Variants in MTX1 observed in about 807,000 individuals in gnomAD.
MTX1 encodes metaxin-1.
MTX1 carries 20 observed loss-of-function variants against 39.4 expected under a neutral mutation model. The ratio of observed to expected loss-of-function variants is 0.51; its 90% CI spans 0.36 to 0.74. The LOEUF is 0.74. MTX1 is among the 30% of genes least tolerant of loss of function. The pLI, the probability that MTX1 is intolerant of heterozygous loss-of-function variation, is 0.00. For synonymous variants in MTX1, 209 were observed against 198.6 expected, an observed-to-expected ratio of 1.05 and a Z score of -0.44; for missense variants, 481 against 485.9, an observed-to-expected ratio of 0.99 and a Z score of 0.10.
intron 1 of MTX1, 124 bp from the exon 2 acceptor site, chr1:155,210,222 T>TC: frequency 1.2e-6 from 1 of 833,570 alleles, no homozygotes; most frequent in Non-Finnish European, 2.0e-6. Flanking sequence ...CCCTTTTTTT[T>TC]CGAGACTAAG....
rs1330119564 is a variant in MTX1 at position 155,209,268 on chromosome 1, A to C, written c.464A>C (p.Glu155Ala). ...GTGGGCAAGATGGCGGCGCCCATGG[A>C]GCTGTTCTGCTGGTCAGGGGGCTGG... ...QRVGKMAAPM[E>A]LFCWSGGWGL... Residue 155 changes from glutamate (E) to alanine (A), a missense_variant, in exon 1 of 8, where the codon GAG (glutamate) becomes GCG (alanine). Around this residue, in one of 2 missense-constraint regions of MTX1, gnomAD observed 368 missense variants for 332.8 expected, o/e 1.11. Transcript: ENST00000368376. 1 of 1,449,924 alleles carries C rather than the reference A, an allele frequency of 6.9e-7. No individual in the cohort carries two copies. Among genetic ancestry groups the C allele is most frequent in the East Asian group, 2.5e-5 (1 of 39,828 alleles). 89.8% of individuals were successfully genotyped at this position (1,449,924 alleles called of 1,614,324 possible).
intron 6 of MTX1, among the ~76,000 whole-genome samples, 168 bp from the exon 7 acceptor site, chr1:155,213,069 C>G (rs1047666207): frequency 1.9e-4 from 28 of 151,078 alleles, no homozygotes; most frequent in African/African-American, 6.8e-4. Flanking sequence ...CTGGCGCCAC[C>G]TGGGGATCTC....
intron 6 of MTX1, 73 bp downstream of exon 6, chr1:155,212,843 G>A: frequency 2.0e-6 from 3 of 1,502,964 alleles, no homozygotes; most frequent in Non-Finnish European, 2.7e-6. Flanking sequence ...GCTGGAGCTG[G>A]GGCTGGGGCT....
At chr1:155,212,606 C>T (rs770933330) in intron 5 of MTX1, 39 bp downstream of exon 5, 64 of 1,604,984 alleles carry the variant, frequency 4.0e-5, no homozygotes, top group Non-Finnish European at 5.2e-5. Context: ...GAGATGAGCC[C>T]CAAGGATGCT....
At chr1:155,211,911 C>G (rs1469562429) in intron 3 of MTX1, 1 of 433,486 alleles carries the variant, frequency 2.3e-6, no homozygotes, top group East Asian at 3.6e-5. Context: ...GGCGCTGGAC[C>G]TTCACGGCCA....
chr1:155,211,902 G>T (rs1197698550), intron 3 of MTX1: 5 of 422,840 alleles, frequency 1.2e-5, no homozygotes, highest in Non-Finnish European at 2.1e-5. Flanking sequence ...CCTGCATTGG[G>T]CGCTGGACCT....
At chr1:155,211,312 C>A (rs1218369235) in intron 3 of MTX1, 7 of 152,858 alleles carry the variant, frequency 4.6e-5, no homozygotes, top group African/African-American at 7.2e-5. Context: ...CTGGCAGAGC[C>A]GAGGCCACTG....
At chr1:155,210,491 A>G (rs1343527723) in intron 2 of MTX1, 57 bp from the exon 3 acceptor site, 2 of 1,605,652 alleles carry the variant, frequency 1.2e-6, no homozygotes, top group Non-Finnish European at 1.7e-6. Context: ...ATGTGTTGCA[A>G]CTATGTATGA....
chr1:155,208,826 C>T lies in MTX1; in HGVS notation c.22C>T (p.Arg8Cys). 1 of 1,576,500 alleles carries T rather than the reference C, an allele frequency of 6.3e-7. No homozygotes were observed. The highest frequency in any genetic ancestry group is 8.6e-7 in the Non-Finnish European group (1 of 1,158,666). ...AAACATGCTGCTCGGGGGACCCCCC[C>T]GCAGTCCCCGCTCGGGGACGAGCCC... is the stretch of plus-strand genomic sequence containing the variant. Reference protein sequence around the residue: MLLGGPPRSPRSGTSPKG... With the variant: MLLGGPPCSPRSGTSPKG... The change falls in exon 1 of 8, where the codon CGC (arginine) becomes TGC (cysteine). Residue 8 changes from arginine (R) to cysteine (C), a missense_variant. Physicochemically the swap from Arg to Cys is radical, Grantham distance 180. Transcript: ENST00000368376.
Position 155,210,611 on chromosome 1 carries a change from C to A in MTX1, c.662C>A (p.Thr221Asn). 2 of 1,614,012 alleles carry A rather than the reference C, an allele frequency of 1.2e-6. No homozygotes were observed. Among genetic ancestry groups the A allele is most frequent in the Non-Finnish European group, 1.7e-6 (2 of 1,180,004 alleles). ...ATCTCAGTTCCACACAAGATCATCA[C>A]CCACCTTCGAAAAGAGGTAGGTGAC... ...EVISVPHKII[T>N]HLRKEKYNAD... The change falls in exon 3 of 8, where the codon ACC (threonine) becomes AAC (asparagine). Residue 221 changes from threonine (T) to asparagine (N), a missense_variant. Transcript: ENST00000368376.
rs202230026 is a variant in MTX1, at chr1:155,212,493, C to T, written c.880C>T (p.Arg294Trp). The T allele has an allele frequency of 8.7e-6, 14 of 1,613,840 alleles. No homozygotes were observed. The highest frequency in any genetic ancestry group is 1.7e-5 in the Admixed American group (1 of 59,992). Residue 294 changes from arginine to tryptophan, a missense_variant, in exon 5 of 8, where the codon CGG (arginine) becomes TGG (tryptophan). By Grantham distance (101) the Arg-to-Trp change is moderately radical. This residue lies in a region of MTX1 where 113 missense variants were observed against 153.2 expected (regional missense o/e 0.74). Transcript: ENST00000368376. ...CTTCTTCCTGCCTGGCCGCATGCAG[C>T]GGCAGTACATGGAACGGCTACAGCT... ...LNFFLPGRMQ[R>W]QYMERLQLLT...
chr1:155,212,331 C>T (rs1671157795), intron 4 of MTX1, 54 bp from the exon 5 acceptor site: 1 of 1,606,064 alleles, frequency 6.2e-7, no homozygotes. Context: ...CACCTTGAAT[C>T]AGACAGGTGC....
rs1670944743 is a variant in MTX1 at position 155,209,086 on chromosome 1, C to T, written c.282C>T (p.Val94=). The T allele has an allele frequency of 1.3e-5, 20 of 1,541,966 alleles. No individual in the cohort carries two copies. The highest frequency in any genetic ancestry group is 1.7e-5 in the Non-Finnish European group (20 of 1,143,106). Reference sequence around the variant, plus strand: ...CCTCCCCCGAGGCCCGCGGCCCAGTCCCCCGCAGTTCAGCTGCCAGTCGGG... The same window carrying T: ...CCTCCCCCGAGGCCCGCGGCCCAGTTCCCCGCAGTTCAGCTGCCAGTCGGG... ...RPPSPEARGP[V]PRSSAASRAR... is the part of the protein sequence containing the mutation. Residue 94 remains valine (V), a synonymous_variant, in exon 1 of 8, where the codon GTC becomes GTT. Transcript: ENST00000368376.
In MTX1 at chr1:155,209,158, C is replaced by G. The variant is rs1218410476; in HGVS notation, c.354C>G (p.Thr118=). The G allele has an allele frequency of 3.3e-6, 5 of 1,508,900 alleles. 1 individual carries two copies. The highest frequency in any genetic ancestry group is 2.8e-5 in the African/African-American group (2 of 71,066). 93.5% of individuals were successfully genotyped at this position (1,508,900 alleles called of 1,614,324 possible). A position where few individuals can be genotyped will look rare whatever the true frequency, so the allele number is the denominator to read the frequency against. ...ASPGISPGPL[T]ATIGGAVAGG... is the part of the protein sequence containing the mutation. Reference sequence around the variant, plus strand: ...CGGGGATCTCCCCAGGCCCCCTGACCGCAACGATCGGAGGGGCGGTGGCGG... The same window carrying G: ...CGGGGATCTCCCCAGGCCCCCTGACGGCAACGATCGGAGGGGCGGTGGCGG... The change falls in exon 1 of 8, where the codon ACC becomes ACG. Residue 118 remains threonine, a synonymous_variant. Coordinates refer to ENST00000368376, the MANE Select transcript of MTX1 (RefSeq NM_002455.5).
At position 155,209,029 on chromosome 1, in the gene MTX1, C is replaced by T. The variant is rs1169099792; in HGVS notation, c.225C>T (p.Tyr75=). 6.4e-7 allele frequency: 1 copy of T among 1,567,986 alleles called. No homozygotes were observed. Among genetic ancestry groups the T allele is most frequent in the South Asian group, 1.2e-5 (1 of 86,142 alleles). Residue 75 remains tyrosine, a synonymous_variant, in exon 1 of 8, where the codon TAC becomes TAT. Transcript: ENST00000368376. ...CCGGGCCGACAGCGCTGTCCCGCTACGTGGGCCACCTCTGGATGGGCCGGC... is the reference window on the plus strand; with the variant it reads ...CCGGGCCGACAGCGCTGTCCCGCTATGTGGGCCACCTCTGGATGGGCCGGC... ...RRAGPTALSR[Y]VGHLWMGRRP... is the part of the protein sequence containing the mutation.
At chr1:155,210,116 A>G (rs546107506) in intron 1 of MTX1, among the ~76,000 whole-genome samples, 4 of 152,206 alleles carry the variant, frequency 2.6e-5, no homozygotes, top group Non-Finnish European at 4.4e-5. Flanking sequence ...GAGATAGAGG[A>G]AAGGATTTTC....
chr1:155,210,966 C>T (rs1428338880), intron 3 of MTX1: 3 of 359,014 alleles, frequency 8.4e-6, no homozygotes, highest in Admixed American at 4.4e-5. Context: ...ATATGGGGCT[C>T]AGGATGGACA....
intron 1 of MTX1, 52 bp downstream of exon 1, chr1:155,209,384 G>A (rs1670991462): frequency 7.3e-7 from 1 of 1,361,134 alleles, no homozygotes; most frequent in South Asian, 1.9e-5. Context: ...TGGGGAGGGG[G>A]CCGAACTAGC....
chr1:155,208,726 CG>C lies in MTX1; in HGVS notation c.-78del. On this transcript the variant is annotated 5_prime_UTR_variant, in exon 1 of 8. Coordinates refer to ENST00000368376, the MANE Select transcript of MTX1 (RefSeq NM_002455.5). Reference sequence around the variant, plus strand: ...GCCCCAGCCCGGCCTCCGCTCCGGCCGCCGCCACCGCCCCTGTTTTGTTTCC... The same window carrying C: ...GCCCCAGCCCGGCCTCCGCTCCGGCCCCGCCACCGCCCCTGTTTTGTTTCC... 1 of 1,389,032 alleles carries C rather than the reference CG, an allele frequency of 7.2e-7. No homozygotes were observed. Among genetic ancestry groups the C allele is most frequent in the Non-Finnish European group, 9.4e-7 (1 of 1,062,406 alleles). 86.0% of individuals were successfully genotyped at this position (1,389,032 alleles called of 1,614,324 possible).
Sources: gnomAD v4.1 joint callset for allele counts (sites outside exome capture counted in the v4.1 genomes callset) on GRCh38, gnomAD v4.1.1 for gene constraint, gnomAD v4.1.1 regional missense constraint, MANE v1.5 for transcripts, NCBI Gene and HGNC (gene_info 2026-07-23, HGNC 2026-07-21) for gene names.